Variants in POC1A observed in about 807,000 individuals in gnomAD.
The protein encoded by POC1A is POC1 centriolar protein A.
POC1A carries 34 observed loss-of-function variants against 47.8 expected under a neutral mutation model. The observed-to-expected ratio is 0.71, with a 90% CI of 0.54 to 0.95. The LOEUF is 0.95. POC1A is among the 40% of genes least tolerant of loss of function. The pLI is 0.00. For synonymous variants in POC1A, 177 were observed against 207.6 expected, an observed-to-expected ratio of 0.85 and a Z score of 1.27; for missense variants, 466 against 528.3, an observed-to-expected ratio of 0.88 and a Z score of 1.16.
At position 52,149,319 on chromosome 3, in the gene POC1A, G is replaced by A; in HGVS notation, c.346C>T (p.Gln116Ter). The part of the protein sequence containing the change: ...VRSVHFCSDG[Q>*]SFVTASDDKT... ...TCGTCAGAGGCTGTCACGAAGGACT[G>A]GCCATCACTGCAGAAGTGGACACTC... Residue 116 changes from glutamine to a stop codon, truncating the protein, a stop_gained, in exon 4 of 11, where the codon CAG (glutamine) becomes TAG (stop). Transcript: ENST00000296484. LOFTEE classifies it high-confidence loss of function. The A allele has an allele frequency of 6.2e-7, 1 of 1,614,120 alleles. No individual in the cohort carries two copies. The highest frequency in any genetic ancestry group is 8.5e-7 in the Non-Finnish European group (1 of 1,179,966).
At chr3:52,115,469 T>G (rs143190319) in intron 9 of POC1A, among the ~76,000 whole-genome samples, 2 of 152,296 alleles carry the variant, frequency 1.3e-5, no homozygotes, top group Admixed American at 6.5e-5. Context: ...ACCATAAATC[T>G]GTGTTCTCAT....
intron 9 of POC1A, among the ~76,000 whole-genome samples, chr3:52,121,338 C>G (rs185696793): frequency 4.4e-4 from 67 of 152,312 alleles, no homozygotes; most frequent in African/African-American, 1.6e-3. Flanking sequence ...GCAGCCCAGT[C>G]ATCCCCCAAC....
chr3:52,140,188 G>A (rs1221847794), intron 6 of POC1A, among the ~76,000 whole-genome samples: 1 of 152,164 alleles, frequency 6.6e-6, no homozygotes, highest in Non-Finnish European at 1.5e-5. Flanking sequence ...CCGATGTGCC[G>A]GGGAGTCTGG....
intron 9 of POC1A, among the ~76,000 whole-genome samples, chr3:52,097,172 G>T (rs546079533): frequency 3.3e-5 from 5 of 152,242 alleles, no homozygotes; most frequent in Non-Finnish European, 7.3e-5. Context: ...CAACATGGGG[G>T]TGTGCCAGGC....
intron 9 of POC1A, among the ~76,000 whole-genome samples, chr3:52,120,903 G>T (rs142264284): frequency 3.3e-5 from 5 of 152,352 alleles, no homozygotes; most frequent in African/African-American, 1.2e-4. Context: ...ATAGCTACAA[G>T]AACATGGGAT....
intron 2 of POC1A, 124 bp from the exon 3 acceptor site, chr3:52,150,111 C>T (rs1321261468): frequency 8.3e-6 from 6 of 726,198 alleles, no homozygotes; most frequent in East Asian, 2.7e-5. Flanking sequence ...ACAAACAGAC[C>T]GTGAGAAGTC....
At position 52,122,444 on chromosome 3, in the gene POC1A, C is replaced by G; in HGVS notation, c.916G>C (p.Asp306His). 1 of 1,612,550 alleles carries G rather than the reference C, an allele frequency of 6.2e-7. No homozygotes were observed. The highest frequency in any genetic ancestry group is 8.5e-7 in the Non-Finnish European group (1 of 1,178,534). Residue 306 changes from aspartate to histidine, a missense_variant, in exon 9 of 11, where the codon GAT (aspartate) becomes CAT (histidine). Physicochemically the swap from Asp to His is moderately conservative, Grantham distance 81. Coordinates refer to ENST00000296484, the MANE Select transcript of POC1A (RefSeq NM_015426.5). Reference sequence around the variant, plus strand: ...GGCACTTTCGTGACTTCTCCATGATCAACAATATCAAAGTTACTCTTCCAA... The same window carrying G: ...GGCACTTTCGTGACTTCTCCATGATGAACAATATCAAAGTTACTCTTCCAA... Reference protein sequence around the residue: ...MVWKSNFDIVDHGEVTKVPRP... With the variant: ...MVWKSNFDIVHHGEVTKVPRP...
intron 6 of POC1A, among the ~76,000 whole-genome samples, chr3:52,142,932 G>A (rs1180911340): frequency 2.0e-5 from 3 of 152,090 alleles, no homozygotes; most frequent in Non-Finnish European, 4.4e-5. Context: ...CAGAGGATGA[G>A]AGGTATGTTC....
intron 7 of POC1A, among the ~76,000 whole-genome samples, chr3:52,130,626 T>C (rs1187745913): frequency 6.6e-6 from 1 of 152,132 alleles, no homozygotes; most frequent in Admixed American, 6.5e-5. Flanking sequence ...TCACAGGAGG[T>C]GCCCGACCAC....
At chr3:52,106,180 C>CAAAAA (rs11350232) in intron 9 of POC1A, among the ~76,000 whole-genome samples, 21 of 73,564 alleles carry the variant, frequency 2.9e-4, no homozygotes, top group African/African-American at 4.7e-4. Flanking sequence ...GACTACGTCT[C>CAAAAA]AAAAAAAAAA....
chr3:52,134,228 TA>T (rs945222366), intron 7 of POC1A, among the ~76,000 whole-genome samples: 79 of 151,760 alleles, frequency 5.2e-4, no homozygotes, highest in Middle Eastern at 3.4e-3. Flanking sequence ...ATGAAGGGGT[TA>T]AAAAAAAGAG....
chr3:52,139,440 G>A (rs533620254), intron 6 of POC1A, among the ~76,000 whole-genome samples: 4 of 152,158 alleles, frequency 2.6e-5, no homozygotes, highest in South Asian at 2.1e-4. Flanking sequence ...CAGCTCTGTC[G>A]ATTCCCCCAG....
chr3:52,103,761 G>C (rs970173379), intron 9 of POC1A, among the ~76,000 whole-genome samples: 2 of 151,952 alleles, frequency 1.3e-5, no homozygotes. Context: ...TTAATCATTA[G>C]GATAATGGAA....
At chr3:52,154,264 C>G (rs1449881217) in intron 1 of POC1A, 91 bp downstream of exon 1, 85 of 1,367,058 alleles carry the variant, frequency 6.2e-5, no homozygotes, top group Non-Finnish European at 8.0e-5. Flanking sequence ...GGCGCCCCGC[C>G]CGCCCCTCGC....
At position 52,098,695 on chromosome 3, in the gene POC1A, C is replaced by T. The variant is rs544571670; in HGVS notation, c.982-1983G>A. Among the ~76,000 whole-genome samples the T allele has an allele frequency of 5.3e-5, 8 of 152,316 alleles. No individual in the cohort carries two copies. In the South Asian group the frequency reaches 1.7e-3, roughly 32 times the overall value. On this transcript the variant is annotated intron_variant, in intron 9 of 10. Coordinates refer to ENST00000296484, the MANE Select transcript of POC1A (RefSeq NM_015426.5). The stretch of plus-strand genomic sequence containing the variant: ...AGGTAACCAGCCTCAAACTCTAGTG[C>T]TGCCCTGAGCCATTTCCCTGCCTCC...
chr3:52,094,915 T>C lies in POC1A; in HGVS notation c.1125+1654A>G, dbSNP rs142829197. On this transcript the variant is annotated intron_variant, in intron 10 of 10. Transcript: ENST00000296484. ...GCCAGCCTTCACTTACTCTCTGCGATGCAAGTTTTTTAAAAGTTACTATCA... is the reference window on the plus strand; with the variant it reads ...GCCAGCCTTCACTTACTCTCTGCGACGCAAGTTTTTTAAAAGTTACTATCA... 1.9e-3 allele frequency among the ~76,000 whole-genome samples: 291 copies of C among 152,346 alleles called. 2 individuals carry two copies. The highest frequency in any genetic ancestry group is 6.5e-3 in the African/African-American group (270 of 41,586).
intron 10 of POC1A, among the ~76,000 whole-genome samples, chr3:52,086,690 C>T (rs985738630): frequency 6.6e-6 from 1 of 152,248 alleles, no homozygotes; most frequent in Non-Finnish European, 1.5e-5. Context: ...ACCTTCACAC[C>T]ACCCAAGGCT....
In POC1A at chr3:52,084,664, GC is replaced by G. The variant is rs888000625; in HGVS notation, c.1126-8680del. 6.6e-6 allele frequency among the ~76,000 whole-genome samples: 1 copy of G among 152,134 alleles called. No homozygotes were observed. The highest frequency in any genetic ancestry group is 2.4e-5 in the African/African-American group (1 of 41,436). ...CGAGGCTTCCCCAGTCCATCCCCCTGCCCCCCCAGCTCTGGGGCAGCCCCTC... is the reference window on the plus strand; with the variant it reads ...CGAGGCTTCCCCAGTCCATCCCCCTGCCCCCCAGCTCTGGGGCAGCCCCTC... On this transcript the variant is annotated intron_variant, in intron 10 of 10. Transcript: ENST00000296484. The surrounding 1 kb of genome is among the most constrained non-coding windows in gnomAD (Gnocchi z 4.3).
intron 10 of POC1A, among the ~76,000 whole-genome samples, chr3:52,078,503 CTTTTTTTTTTTT>C (rs531817608): frequency 8.8e-6 from 1 of 113,530 alleles, no homozygotes; most frequent in African/African-American, 3.4e-5. Flanking sequence ...ATGGAAATCT[CTTTTTTTTTTTT>C]TTTTTTTTTT....
Sources: gnomAD v4.1 joint callset for allele counts (sites outside exome capture counted in the v4.1 genomes callset) on GRCh38, gnomAD v4.1.1 for gene constraint, Gnocchi (gnomAD v3.1) non-coding constraint, MANE v1.5 for transcripts, NCBI Gene and HGNC (gene_info 2026-07-23, HGNC 2026-07-21) for gene names.